Variants in GALNT15 observed in about 807,000 individuals in gnomAD.
GALNT15 encodes the protein polypeptide N-acetylgalactosaminyltransferase 15, also known as UDP-GalNAc transferase T15.
GALNT15 carries 67 observed loss-of-function variants against 66.8 expected under a neutral mutation model. The ratio of observed to expected loss-of-function variants is 1.00; its 90% CI spans 0.82 to 1.23. The LOEUF is 1.23. Ranked by LOEUF, GALNT15 falls within the 50% of genes most tolerant of loss-of-function variation. The pLI is 0.00. For synonymous variants in GALNT15, 313 were observed against 311.5 expected, an observed-to-expected ratio of 1.00 and a Z score of -0.05; for missense variants, 827 against 804.3, an observed-to-expected ratio of 1.03 and a Z score of -0.34.
intron 2 of GALNT15, among the ~76,000 whole-genome samples, chr3:16,196,392 G>C (rs924084532): frequency 1.3e-5 from 2 of 152,132 alleles, no homozygotes; most frequent in African/African-American, 4.8e-5. Context: ...ACTTTCCAGA[G>C]GAGGAAACTG....
In GALNT15 at chr3:16,195,935, G is replaced by A. The variant is rs150979033; in HGVS notation, c.706+9G>A. The A allele has an allele frequency of 2.0e-5, 33 of 1,613,846 alleles. No individual in the cohort carries two copies. Among genetic ancestry groups the A allele is most frequent in the African/African-American group, 9.3e-5 (7 of 75,054 alleles). ...CGACCTCAGCCAGCAAGGTAGCCAC[G>A]GCTTTCCTCCAGGCTCGTCTGGGTG... On this transcript the variant is annotated intron_variant, in intron 2 of 9. Transcript: ENST00000339732. The surrounding 1 kb of genome is among the most constrained non-coding windows in gnomAD (Gnocchi z 4.6).
chr3:16,175,828 C>A lies in GALNT15; in HGVS notation c.539+138C>A. 1.4e-6 allele frequency: 1 copy of A among 728,984 alleles called. No homozygotes were observed. Among genetic ancestry groups the A allele is most frequent in the Non-Finnish European group, 2.2e-6 (1 of 460,082 alleles). 45.2% of individuals were successfully genotyped at this position (728,984 alleles called of 1,614,324 possible). A position where few individuals can be genotyped will look rare whatever the true frequency, so the allele number is the denominator to read the frequency against. On this transcript the variant is annotated intron_variant, in intron 1 of 9. Transcript: ENST00000339732. The surrounding 1 kb of genome is among the most constrained non-coding windows in gnomAD (Gnocchi z 5.6). ...TTTCAAGATGCAGTACCTGGGCCAG[C>A]AGCGTCAGCAGCCCCTGGGCACTGG...
At chr3:16,206,796 C>T (rs1194309561) in intron 3 of GALNT15, among the ~76,000 whole-genome samples, 1 of 151,894 alleles carries the variant, frequency 6.6e-6, no homozygotes, top group Non-Finnish European at 1.5e-5. Flanking sequence ...CTGAAGGTGG[C>T]ACAAATTTCA....
intron 3 of GALNT15, among the ~76,000 whole-genome samples, chr3:16,201,244 C>T (rs1025336235): frequency 5.9e-5 from 9 of 152,104 alleles, no homozygotes; most frequent in East Asian, 1.9e-4. Flanking sequence ...TGCAGCGGGG[C>T]GATCTCGGCT....
rs1247422962 is a variant in GALNT15, at chr3:16,195,494, G to C, written c.540-266G>C. ...ACAGATGAGGACAGTCATTTGCTGA[G>C]GATGACGGCAACGCTTCTCAATTGC... On this transcript the variant is annotated intron_variant, in intron 1 of 9. Transcript: ENST00000339732. This position sits in a 1 kb window ranked among gnomAD's most constrained non-coding sequence, Gnocchi z 4.6. Among the ~76,000 whole-genome samples, 4 of 152,170 alleles carry C rather than the reference G, an allele frequency of 2.6e-5. No homozygotes were observed. Among genetic ancestry groups the C allele is most frequent in the Non-Finnish European group, 5.9e-5 (4 of 68,040 alleles).
chr3:16,195,797 G>A lies in GALNT15; in HGVS notation c.577G>A (p.Ala193Thr), dbSNP rs1367607601. The A allele has an allele frequency of 1.2e-6, 2 of 1,613,754 alleles. No homozygotes were observed. The highest frequency in any genetic ancestry group is 1.7e-6 in the Non-Finnish European group (2 of 1,179,848). The change falls in exon 2 of 10, where the codon GCC becomes ACC. Residue 193 changes from alanine (A) to threonine (T), a missense_variant. Transcript: ENST00000339732. This position sits in a 1 kb window ranked among gnomAD's most constrained non-coding sequence, Gnocchi z 4.6. ...QQHPQDSLPT[A>T]SVILCFHDEA... is the part of the protein sequence containing the mutation. The stretch of plus-strand genomic sequence containing the variant: ...GCACCCTCAGGACAGCCTGCCCACA[G>A]CCAGCGTCATCCTCTGTTTCCATGA...
In GALNT15 at chr3:16,176,448, G is replaced by A. The variant is rs2124830942; in HGVS notation, c.539+758G>A. ...CCATGCCACCTGCCTTGGGCCACTAGACTAAGGAAACAGGTCCAGTGCCTG... is the reference window on the plus strand; with the variant it reads ...CCATGCCACCTGCCTTGGGCCACTAAACTAAGGAAACAGGTCCAGTGCCTG... On this transcript the variant is annotated intron_variant, in intron 1 of 9. Transcript: ENST00000339732. This position sits in a 1 kb window ranked among gnomAD's most constrained non-coding sequence, Gnocchi z 5.6. Among the ~76,000 whole-genome samples the A allele has an allele frequency of 6.6e-6, 1 of 152,358 alleles. No individual in the cohort carries two copies. The highest frequency in any genetic ancestry group is 1.9e-4 in the East Asian group (1 of 5,180).
chr3:16,175,704 T>A lies in GALNT15; in HGVS notation c.539+14T>A. ...GCGGCACCCACTGTAAGTAAGGCCC[T>A]TGTTTTCCCTTCCCTGATCCCAGGG... On this transcript the variant is annotated intron_variant, in intron 1 of 9. Coordinates refer to ENST00000339732, the MANE Select transcript of GALNT15 (RefSeq NM_054110.5). The surrounding 1 kb of genome is among the most constrained non-coding windows in gnomAD (Gnocchi z 5.6). 6.5e-7 allele frequency: 1 copy of A among 1,546,134 alleles called. No individual in the cohort carries two copies. Among genetic ancestry groups the A allele is most frequent in the Non-Finnish European group, 8.7e-7 (1 of 1,147,234 alleles).
Position 16,211,365 on chromosome 3 carries a change from C to T in GALNT15, c.1197+124C>T, listed in dbSNP as rs1344758617. On this transcript the variant is annotated intron_variant, in intron 5 of 9. Coordinates refer to ENST00000339732, the MANE Select transcript of GALNT15 (RefSeq NM_054110.5). This position sits in a 1 kb window ranked among gnomAD's most constrained non-coding sequence, Gnocchi z 4.3. ...TGAGGCTGTGGGAAAATTATAAAGTCATTCCTGTGTTGTGTGTCAAACCTC... is the reference window on the plus strand; with the variant it reads ...TGAGGCTGTGGGAAAATTATAAAGTTATTCCTGTGTTGTGTGTCAAACCTC... 1.5e-5 allele frequency: 10 copies of T among 662,834 alleles called. No homozygotes were observed. The allele number at this position is 662,834 out of a possible 1,614,324, so 41.1% of individuals were successfully genotyped here. A position where few individuals can be genotyped will look rare whatever the true frequency, so the allele number is the denominator to read the frequency against.
the GALNT15 span, among the ~76,000 whole-genome samples, chr3:16,245,291 C>A: frequency 6.6e-6 from 1 of 152,234 alleles, no homozygotes; most frequent in African/African-American, 2.4e-5. Context: ...CCTCATGAAC[C>A]ACCTGCATCC....
intron 9 of GALNT15, among the ~76,000 whole-genome samples, chr3:16,223,553 A>G (rs2063971785): frequency 6.6e-6 from 1 of 152,228 alleles, no homozygotes; most frequent in Non-Finnish European, 1.5e-5. Flanking sequence ...GTACTCTTAA[A>G]GCAGGCTGTG....
At chr3:16,238,569 C>A in the GALNT15 span, among the ~76,000 whole-genome samples, 1 of 151,764 alleles carries the variant, frequency 6.6e-6, no homozygotes, top group Admixed American at 6.6e-5. The surrounding 1 kb of genome is among the most constrained non-coding windows in gnomAD (Gnocchi z 4.8). Flanking sequence ...CTATTATCTC[C>A]GTTTTATATT....
rs187964708 is a variant in GALNT15 at position 16,187,168 on chromosome 3, G to A, written c.540-8592G>A. Among the ~76,000 whole-genome samples the A allele has an allele frequency of 4.0e-3, 611 of 152,188 alleles. 2 individuals are homozygous for A. Among genetic ancestry groups the A allele is most frequent in the African/African-American group, 0.014 (570 of 41,520 alleles). ...AATCCCAGCTACTCAGGAGGCTGAG[G>A]TGGGAGAATCGCCTGAACCTGGGAG... On this transcript the variant is annotated intron_variant, in intron 1 of 9. Coordinates refer to ENST00000339732, the MANE Select transcript of GALNT15 (RefSeq NM_054110.5). The surrounding 1 kb of genome is among the most constrained non-coding windows in gnomAD (Gnocchi z 5.1).
chr3:16,233,094 C>CTTTGTTTTTTTTTTTTTTTTTTTT (rs2064099726), downstream of GALNT15, among the ~76,000 whole-genome samples: 1 of 61,208 alleles, frequency 1.6e-5, no homozygotes, highest in Non-Finnish European at 3.0e-5. Flanking sequence ...GATAATGCAT[C>CTTTGTTTTTTTTTTTTTTTTTTTT]TTTTTTTTTT....
rs2063606481 is a variant in GALNT15 at position 16,193,977 on chromosome 3, A to G, written c.540-1783A>G. 6.6e-6 allele frequency among the ~76,000 whole-genome samples: 1 copy of G among 152,206 alleles called. No homozygotes were observed. The highest frequency in any genetic ancestry group is 2.4e-5 in the African/African-American group (1 of 41,458). ...CACTGATTCTCAACAGACCCAAAGC[A>G]AGGCAAACACCAAGCACCCTGTTCA... On this transcript the variant is annotated intron_variant, in intron 1 of 9. Coordinates refer to ENST00000339732, the MANE Select transcript of GALNT15 (RefSeq NM_054110.5). This position sits in a 1 kb window ranked among gnomAD's most constrained non-coding sequence, Gnocchi z 4.7.
rs924929400 is a variant in GALNT15, at chr3:16,195,701, T to G, written c.540-59T>G. ...AGAGCAAAGGAAGCGAGTTAGAGGG[T>G]GTGGAGTGTTTCTTGTGGCCTTCTC... On this transcript the variant is annotated intron_variant, in intron 1 of 9. Transcript: ENST00000339732. This position sits in a 1 kb window ranked among gnomAD's most constrained non-coding sequence, Gnocchi z 4.6. 1.4e-6 allele frequency: 2 copies of G among 1,481,018 alleles called. No individual in the cohort carries two copies. Among genetic ancestry groups the G allele is most frequent in the Admixed American group, 1.7e-5 (1 of 57,496 alleles). The allele number at this position is 1,481,018 out of a possible 1,614,324, so 91.7% of individuals were successfully genotyped here. A position where few individuals can be genotyped will look rare whatever the true frequency, so the allele number is the denominator to read the frequency against.
Position 16,180,136 on chromosome 3 carries a change from T to C in GALNT15, c.539+4446T>C, listed in dbSNP as rs62235204. Among the ~76,000 whole-genome samples the C allele has an allele frequency of 0.058, 8,881 of 152,266 alleles. 300 individuals are homozygous for C. Among genetic ancestry groups the C allele is most frequent in the Non-Finnish European group, 0.074 (5,020 of 68,008 alleles). ...TAAAAATACAGATTCCTGGCCTCCATTCCTCCAGTTTCTGATTCAGTGGGT... is the reference window on the plus strand; with the variant it reads ...TAAAAATACAGATTCCTGGCCTCCACTCCTCCAGTTTCTGATTCAGTGGGT... On this transcript the variant is annotated intron_variant, in intron 1 of 9. Coordinates refer to ENST00000339732, the MANE Select transcript of GALNT15 (RefSeq NM_054110.5). This position sits in a 1 kb window ranked among gnomAD's most constrained non-coding sequence, Gnocchi z 5.0.
intron 6 of GALNT15, among the ~76,000 whole-genome samples, chr3:16,217,472 G>A (rs986488496): frequency 2.0e-5 from 3 of 152,118 alleles, no homozygotes; most frequent in African/African-American, 7.2e-5. Context: ...CTTCCCTGAA[G>A]GTATTTGATA....
rs1302337064 is a variant in GALNT15 at position 16,182,299 on chromosome 3, C to G, written c.539+6609C>G. ...ATTATGAGGCCAGTGGTTCACAGCC[C>G]CCACTCACATTAGAACCAATGAGTC... On this transcript the variant is annotated intron_variant, in intron 1 of 9. Coordinates refer to ENST00000339732, the MANE Select transcript of GALNT15 (RefSeq NM_054110.5). This position sits in a 1 kb window ranked among gnomAD's most constrained non-coding sequence, Gnocchi z 6.1. Among the ~76,000 whole-genome samples the G allele has an allele frequency of 2.0e-5, 3 of 152,064 alleles. No homozygotes were observed. Among genetic ancestry groups the G allele is most frequent in the Non-Finnish European group, 4.4e-5 (3 of 68,020 alleles).
Sources: allele counts gnomAD v4.1 joint callset (sites outside exome capture counted in the v4.1 genomes callset), GRCh38; gene constraint gnomAD v4.1.1; non-coding constraint Gnocchi (gnomAD v3.1); transcripts MANE v1.5; gene names NCBI Gene and HGNC (gene_info 2026-07-23, HGNC 2026-07-21).